Variants in MB21D2 observed in about 807,000 individuals in gnomAD.
MB21D2 encodes nucleotidyltransferase MB21D2.
In MB21D2, 9 loss-of-function variants were observed where a neutral mutation model predicts 33.3. The ratio of observed to expected loss-of-function variants is 0.27; its 90% CI spans 0.16 to 0.47. The LOEUF is 0.47. Ranked by LOEUF, MB21D2 falls within the 20% of genes least tolerant of loss-of-function variation. The pLI, the probability that MB21D2 is intolerant of heterozygous loss-of-function variation, is 0.99. For synonymous variants in MB21D2, 241 were observed against 236.3 expected (o/e 1.02, Z -0.18); for missense variants, 540 against 624.6 (o/e 0.86, Z 1.44).
chr3:192,809,402 C>A (rs1476373541), intron 1 of MB21D2, among the ~76,000 whole-genome samples: 1 of 152,006 alleles, frequency 6.6e-6, no homozygotes. Flanking sequence ...GCCTAGTGTC[C>A]CCATTTTACA....
At chr3:192,905,784 G>T (rs1242496233) in intron 1 of MB21D2, among the ~76,000 whole-genome samples, 1 of 151,928 alleles carries the variant, frequency 6.6e-6, no homozygotes, top group Non-Finnish European at 1.5e-5. Context: ...AGTGAGCCGA[G>T]ATCGCACCAC....
chr3:192,829,817 C>T (rs1456522004), intron 1 of MB21D2, among the ~76,000 whole-genome samples: 1 of 152,236 alleles, frequency 6.6e-6, no homozygotes, highest in Admixed American at 6.5e-5. Context: ...GCTTCAACCT[C>T]CCAGGCTCAA....
chr3:192,850,182 T>C (rs1236175460), intron 1 of MB21D2, among the ~76,000 whole-genome samples: 1 of 152,082 alleles, frequency 6.6e-6, no homozygotes, highest in African/African-American at 2.4e-5. Context: ...CCTCCCAAAG[T>C]GCCAGGATTA....
chr3:192,869,727 GA>G (rs1713249675), intron 1 of MB21D2, among the ~76,000 whole-genome samples: 1 of 152,150 alleles, frequency 6.6e-6, no homozygotes, highest in African/African-American at 2.4e-5. Flanking sequence ...AGTTCTGCAG[GA>G]AGGAAGCATA....
At chr3:192,893,517 C>T (rs1713899262) in intron 1 of MB21D2, among the ~76,000 whole-genome samples, 2 of 152,140 alleles carry the variant, frequency 1.3e-5, no homozygotes, top group South Asian at 4.1e-4. Flanking sequence ...GAAGATGACA[C>T]AGTAAGTGAC....
intron 1 of MB21D2, among the ~76,000 whole-genome samples, chr3:192,914,594 T>G (rs1021773131): frequency 3.3e-5 from 5 of 152,198 alleles, no homozygotes; most frequent in Non-Finnish European, 7.3e-5. Flanking sequence ...TGCCAGCCTT[T>G]CGCACAGTCT....
At chr3:192,834,174 G>A (rs1305935850) in intron 1 of MB21D2, among the ~76,000 whole-genome samples, 1 of 151,874 alleles carries the variant, frequency 6.6e-6, no homozygotes, top group Non-Finnish European at 1.5e-5. Context: ...TTATGAGGCC[G>A]GGCATGGTGG....
chr3:192,812,915 C>T (rs1483857536), intron 1 of MB21D2, among the ~76,000 whole-genome samples: 1 of 152,110 alleles, frequency 6.6e-6, no homozygotes, highest in African/African-American at 2.4e-5. Flanking sequence ...CCTTACTAAG[C>T]CATTCCCAAA....
intron 1 of MB21D2, among the ~76,000 whole-genome samples, chr3:192,806,631 G>A (rs558219136): frequency 2.7e-4 from 41 of 152,222 alleles, no homozygotes; most frequent in African/African-American, 8.2e-4. Flanking sequence ...GAAGGCACCC[G>A]CTTTTTATGT....
At chr3:192,912,993 G>A (rs1714387024) in intron 1 of MB21D2, among the ~76,000 whole-genome samples, 1 of 152,222 alleles carries the variant, frequency 6.6e-6, no homozygotes, top group South Asian at 2.1e-4. Context: ...ATGGACTTAG[G>A]CAAAGTAGCT....
intron 1 of MB21D2, among the ~76,000 whole-genome samples, chr3:192,827,682 A>G (rs1051897599): frequency 1.3e-5 from 2 of 151,080 alleles, no homozygotes; most frequent in African/African-American, 4.9e-5. Context: ...TTCTGCAACA[A>G]GATGTTGGTG....
chr3:192,917,609 C>T, intron 1 of MB21D2, 21 bp downstream of exon 1: 3 of 1,612,422 alleles, frequency 1.9e-6, no homozygotes, highest in Non-Finnish European at 2.5e-6. Context: ...GCACACACAC[C>T]TCCCCCTTTT....
intron 1 of MB21D2, among the ~76,000 whole-genome samples, chr3:192,813,307 T>A (rs1711833308): frequency 6.6e-6 from 1 of 151,810 alleles, no homozygotes; most frequent in South Asian, 2.1e-4. Flanking sequence ...TTAATTTTTT[T>A]TTTTTTTTTT....
chr3:192,841,716 T>C (rs1014731980), intron 1 of MB21D2, among the ~76,000 whole-genome samples: 1 of 152,244 alleles, frequency 6.6e-6, no homozygotes, highest in Non-Finnish European at 1.5e-5. Context: ...GGAGATAATA[T>C]GTATTTGTTG....
intron 1 of MB21D2, among the ~76,000 whole-genome samples, chr3:192,839,457 T>C (rs1245739466): frequency 6.6e-6 from 1 of 152,216 alleles, no homozygotes; most frequent in Non-Finnish European, 1.5e-5. Flanking sequence ...GCCCAAATGT[T>C]ACTTCATCAA....
chr3:192,804,005 A>G lies in MB21D2; in HGVS notation c.212-4355T>C, dbSNP rs555685604. 3.9e-4 allele frequency among the ~76,000 whole-genome samples: 59 copies of G among 152,344 alleles called. No individual in the cohort carries two copies. In the Middle Eastern group the frequency reaches 0.017, roughly 44 times the overall value. On this transcript the variant is annotated intron_variant, in intron 1 of 1. Coordinates refer to ENST00000392452, the MANE Select transcript of MB21D2 (RefSeq NM_178496.4). ...TTGTTCTTAAGTAAAACTGCCACTC[A>G]ACCTCTTTTCCTGTAATTCACTGTT...
At chr3:192,829,235 A>G (rs1453500581) in intron 1 of MB21D2, among the ~76,000 whole-genome samples, 1 of 152,192 alleles carries the variant, frequency 6.6e-6, no homozygotes, top group Non-Finnish European at 1.5e-5. Context: ...TTGATTCATC[A>G]ATAGCTTGCT....
At chr3:192,810,476 A>C (rs1375759356) in intron 1 of MB21D2, among the ~76,000 whole-genome samples, 1 of 152,184 alleles carries the variant, frequency 6.6e-6, no homozygotes, top group African/African-American at 2.4e-5. Flanking sequence ...TATATAAAGA[A>C]GCCTCCTCTA....
At chr3:192,807,089 C>CAT (rs564646250) in intron 1 of MB21D2, among the ~76,000 whole-genome samples, 178 of 152,290 alleles carry the variant, frequency 1.2e-3, no homozygotes, top group African/African-American at 3.1e-3. Flanking sequence ...TTGGCACATG[C>CAT]ATACACATAT....
Sources: allele counts gnomAD v4.1 joint callset (sites outside exome capture counted in the v4.1 genomes callset), GRCh38; gene constraint gnomAD v4.1.1; transcripts MANE v1.5; gene names NCBI Gene and HGNC (gene_info 2026-07-23, HGNC 2026-07-21).